Variants in SLCO6A1 observed in about 807,000 individuals in gnomAD.
SLCO6A1 encodes cancer/testis antigen 48.
A neutral mutation model predicts 72.7 loss-of-function variants in SLCO6A1; 65 were observed. That is an observed-to-expected ratio of 0.89 (90% confidence interval 0.73 to 1.10). SLCO6A1 has a LOEUF of 1.10. SLCO6A1 is among the 50% of genes least tolerant of loss of function. The pLI, the probability that SLCO6A1 is intolerant of heterozygous loss-of-function variation, is 0.00. For missense variants in SLCO6A1, 874 were observed against 872.6 expected (o/e 1.00, Z -0.02); for synonymous variants, 314 against 298.2 (o/e 1.05, Z -0.55).
intron 12 of SLCO6A1, 122 bp downstream of exon 12, chr5:102,388,566 C>T: frequency 1.4e-6 from 1 of 726,364 alleles, no homozygotes; most frequent in Non-Finnish European, 2.1e-6. Context: ...GTTAAGCCTC[C>T]TTTACTCATC....
At chr5:102,395,321 G>C (rs577871854) in intron 10 of SLCO6A1, among the ~76,000 whole-genome samples, 2 of 152,114 alleles carry the variant, frequency 1.3e-5, no homozygotes, top group East Asian at 1.9e-4. Context: ...ATAGTTTGCT[G>C]AGAATGATGG....
chr5:102,496,484 T>C (rs961394294), intron 1 of SLCO6A1, among the ~76,000 whole-genome samples: 7 of 152,200 alleles, frequency 4.6e-5, no homozygotes, highest in Admixed American at 1.3e-4. Context: ...AACCATATAC[T>C]GTCCATCACT....
intron 6 of SLCO6A1, among the ~76,000 whole-genome samples, 155 bp downstream of exon 6, chr5:102,458,227 T>G (rs1229162829): frequency 6.6e-6 from 1 of 152,048 alleles, no homozygotes; most frequent in East Asian, 1.9e-4. Context: ...GTTGTGCACA[T>G]GTACCCTAAA....
At chr5:102,407,578 T>C (rs1165236398) in intron 9 of SLCO6A1, among the ~76,000 whole-genome samples, 2 of 152,190 alleles carry the variant, frequency 1.3e-5, no homozygotes, top group African/African-American at 4.8e-5. Context: ...ATAGTTTACT[T>C]TAAGAAAGAA....
chr5:102,426,268 T>C (rs144848941), intron 7 of SLCO6A1, among the ~76,000 whole-genome samples: 28,478 of 152,082 alleles, frequency 0.19, 3,516 homozygotes, highest in Non-Finnish European at 0.24. Flanking sequence ...AATTGACAAA[T>C]GGAATCTAAT....
chr5:102,405,975 T>C (rs939246901), intron 9 of SLCO6A1, among the ~76,000 whole-genome samples: 3 of 152,084 alleles, frequency 2.0e-5, no homozygotes, highest in African/African-American at 7.2e-5. Flanking sequence ...TAATATTAAT[T>C]CTAAATAGAC....
chr5:102,453,738 T>C (rs191903672), intron 6 of SLCO6A1, among the ~76,000 whole-genome samples: 1 of 152,322 alleles, frequency 6.6e-6, no homozygotes, highest in South Asian at 2.1e-4. Context: ...TAAGCCTGGC[T>C]TCCCAGGAGT....
intron 7 of SLCO6A1, among the ~76,000 whole-genome samples, chr5:102,428,894 A>T (rs2112646250): frequency 6.6e-6 from 1 of 152,320 alleles, no homozygotes; most frequent in Non-Finnish European, 1.5e-5. Flanking sequence ...ACAATGGCTG[A>T]ACTAATTTAC....
At chr5:102,429,075 T>C (rs1433235024) in intron 7 of SLCO6A1, among the ~76,000 whole-genome samples, 1 of 152,196 alleles carries the variant, frequency 6.6e-6, no homozygotes, top group Non-Finnish European at 1.5e-5. Flanking sequence ...ATATGACTGT[T>C]GGCCACATGT....
At chr5:102,398,525 T>G (rs1233171931) in intron 10 of SLCO6A1, among the ~76,000 whole-genome samples, 1 of 152,148 alleles carries the variant, frequency 6.6e-6, no homozygotes, top group African/African-American at 2.4e-5. Context: ...GGTTTTCCCC[T>G]CAGCTCCATC....
chr5:102,426,177 C>A (rs1298502077), intron 7 of SLCO6A1, among the ~76,000 whole-genome samples: 1 of 152,112 alleles, frequency 6.6e-6, no homozygotes, highest in Non-Finnish European at 1.5e-5. Flanking sequence ...TAGAGGAAAA[C>A]CTAGGCAATA....
rs995551231 is a variant in SLCO6A1 at position 102,420,213 on chromosome 5, G to A, written c.1277-192C>T. On this transcript the variant is annotated intron_variant, in intron 7 of 13. Coordinates refer to ENST00000506729, the MANE Select transcript of SLCO6A1 (RefSeq NM_173488.5). Reference sequence around the variant, plus strand: ...TAATAGAAACAAAAACCTGTCAGCAGGGCTGAAGCCATAGGCCTACTGACT... The same window carrying A: ...TAATAGAAACAAAAACCTGTCAGCAAGGCTGAAGCCATAGGCCTACTGACT... 5.3e-5 allele frequency among the ~76,000 whole-genome samples: 8 copies of A among 152,346 alleles called. No individual in the cohort carries two copies. In the South Asian group the frequency reaches 8.3e-4, roughly 16 times the overall value.
chr5:102,372,535 T>C (rs1580304595), intron 13 of SLCO6A1, among the ~76,000 whole-genome samples: 1 of 149,012 alleles, frequency 6.7e-6, no homozygotes, highest in East Asian at 1.9e-4. Flanking sequence ...AAAAAATCTA[T>C]AAATAGTTGA....
intron 7 of SLCO6A1, among the ~76,000 whole-genome samples, chr5:102,436,463 A>G (rs1360896794): frequency 6.6e-6 from 1 of 152,182 alleles, no homozygotes; most frequent in Non-Finnish European, 1.5e-5. Context: ...TTTCCCTCCA[A>G]CCAAAAGGGA....
At chr5:102,463,387 A>T (rs1433913712) in intron 4 of SLCO6A1, among the ~76,000 whole-genome samples, 1 of 152,220 alleles carries the variant, frequency 6.6e-6, no homozygotes, top group East Asian at 1.9e-4. Flanking sequence ...CTAAAAGTAG[A>T]ACTACCATTT....
rs1753045711 is a variant in SLCO6A1, at chr5:102,498,907, G to C, written c.-63C>G. 1.8e-5 allele frequency: 27 copies of C among 1,479,764 alleles called. No individual in the cohort carries two copies. In the South Asian group the frequency reaches 2.8e-4, roughly 15 times the overall value. 91.7% of individuals were successfully genotyped at this position (1,479,764 alleles called of 1,614,324 possible). ...TGCTCTCGGCTGCCCGTCCTGCCTG[G>C]GCCAACCCAAAGGCCAGCCTGGCGA... On this transcript the variant is annotated 5_prime_UTR_variant, in exon 1 of 14. Transcript: ENST00000506729.
At chr5:102,463,452 A>G (rs1191677369) in intron 4 of SLCO6A1, among the ~76,000 whole-genome samples, 4 of 152,248 alleles carry the variant, frequency 2.6e-5, no homozygotes, top group Non-Finnish European at 2.9e-5. Context: ...GTCATATGAA[A>G]AAGACACTTG....
chr5:102,423,041 G>A (rs1356508313), intron 7 of SLCO6A1, among the ~76,000 whole-genome samples: 1 of 152,058 alleles, frequency 6.6e-6, no homozygotes, highest in Non-Finnish European at 1.5e-5. Flanking sequence ...CATAAGTGAA[G>A]GAGAAATAAA....
intron 7 of SLCO6A1, among the ~76,000 whole-genome samples, chr5:102,424,577 G>T (rs1176713269): frequency 6.6e-6 from 1 of 152,118 alleles, no homozygotes; most frequent in African/African-American, 2.4e-5. Flanking sequence ...CCAGGAAGAA[G>T]TCGAATCCCT....
Sources: gnomAD v4.1 joint callset for allele counts (sites outside exome capture counted in the v4.1 genomes callset) on GRCh38, gnomAD v4.1.1 for gene constraint, MANE v1.5 for transcripts, NCBI Gene and HGNC (gene_info 2026-07-23, HGNC 2026-07-21) for gene names.